MACROD2: variants seen among roughly 807,000 people sequenced by gnomAD.
The protein encoded by MACROD2 is ADP-ribose glycohydrolase MACROD2.
In MACROD2, 36 loss-of-function variants were observed where a neutral mutation model predicts 70.4. The observed-to-expected ratio is 0.51, with a 90% confidence interval of 0.39 to 0.68. MACROD2 has a LOEUF of 0.68. Among genes scored for constraint, MACROD2 ranks in the 30% least tolerant of loss-of-function variants. The pLI, the probability that MACROD2 is intolerant of heterozygous loss-of-function variation, is 0.00. For synonymous variants in MACROD2, 172 were observed against 178.8 expected (o/e 0.96, Z 0.30); for missense variants, 496 against 538.4 (o/e 0.92, Z 0.78).
chr20:15,827,072 T>C (rs1486483474), intron 8 of MACROD2, among the ~76,000 whole-genome samples: 1 of 152,180 alleles, frequency 6.6e-6, no homozygotes, highest in Non-Finnish European at 1.5e-5. Flanking sequence ...TGAAAGCCAT[T>C]TTCTTCCTTA....
At chr20:14,523,123 A>T (rs1455311377) in intron 4 of MACROD2, among the ~76,000 whole-genome samples, 1 of 152,140 alleles carries the variant, frequency 6.6e-6, no homozygotes, top group East Asian at 1.9e-4. Context: ...TCTTCCATTA[A>T]AAAAAGACGC....
chr20:15,435,043 G>A (rs1009418540), intron 7 of MACROD2, among the ~76,000 whole-genome samples: 1 of 152,090 alleles, frequency 6.6e-6, no homozygotes, highest in African/African-American at 2.4e-5. Flanking sequence ...AGGGGTTTGA[G>A]GGATGTAAAA....
At chr20:14,923,730 C>T (rs2074192027) in intron 5 of MACROD2, among the ~76,000 whole-genome samples, 1 of 148,618 alleles carries the variant, frequency 6.7e-6, no homozygotes, top group African/African-American at 2.5e-5. Flanking sequence ...GCACGGGCCT[C>T]CAGGGCCACT....
intron 4 of MACROD2, among the ~76,000 whole-genome samples, chr20:14,580,142 T>A (rs1166532289): frequency 6.6e-6 from 1 of 152,146 alleles, no homozygotes; most frequent in Non-Finnish European, 1.5e-5. Flanking sequence ...TAAGTACAAA[T>A]AGTCTAGTTG....
intron 3 of MACROD2, among the ~76,000 whole-genome samples, chr20:14,192,443 G>A (rs1005913919): frequency 2.0e-5 from 3 of 152,122 alleles, no homozygotes; most frequent in African/African-American, 7.2e-5. Context: ...GGAGACACAC[G>A]GGAGGTGTAT....
At chr20:13,998,401 G>C (rs776739696) in intron 1 of MACROD2, among the ~76,000 whole-genome samples, 4 of 152,072 alleles carry the variant, frequency 2.6e-5, no homozygotes, top group Non-Finnish European at 5.9e-5. Flanking sequence ...TGGAACAACA[G>C]AGGCCAGGTT....
At chr20:15,360,034 AAT>A (rs1328762834) in intron 6 of MACROD2, among the ~76,000 whole-genome samples, 3 of 152,146 alleles carry the variant, frequency 2.0e-5, no homozygotes, top group African/African-American at 7.2e-5. Flanking sequence ...AACACCTGAC[AAT>A]CACAAATCTA....
intron 5 of MACROD2, among the ~76,000 whole-genome samples, chr20:14,910,284 G>A (rs2074011084): frequency 6.6e-6 from 1 of 152,192 alleles, no homozygotes. Flanking sequence ...AGCCCAGACT[G>A]TAGGGAGAAT....
intron 5 of MACROD2, among the ~76,000 whole-genome samples, chr20:14,851,127 G>A (rs1845788022): frequency 6.6e-6 from 1 of 152,108 alleles, no homozygotes; most frequent in Non-Finnish European, 1.5e-5. Flanking sequence ...AGTTGTCATT[G>A]AGGGAAAGAG....
intron 3 of MACROD2, among the ~76,000 whole-genome samples, chr20:14,332,134 T>C (rs2082853927): frequency 2.6e-5 from 4 of 152,132 alleles, no homozygotes; most frequent in African/African-American, 7.2e-5. Flanking sequence ...ACCACCTCAC[T>C]GATGAATCAA....
chr20:15,131,857 A>G (rs965163730), intron 5 of MACROD2, among the ~76,000 whole-genome samples: 42 of 152,184 alleles, frequency 2.8e-4, no homozygotes, highest in African/African-American at 9.6e-4. Context: ...TGCATTTGTT[A>G]TATCAATGAA....
intron 4 of MACROD2, among the ~76,000 whole-genome samples, chr20:14,609,331 G>A (rs889289397): frequency 6.6e-6 from 1 of 152,120 alleles, no homozygotes; most frequent in African/African-American, 2.4e-5. Context: ...TGAGGAAAGA[G>A]ATGAATCCAG....
rs576600183 is a variant in MACROD2, at chr20:14,567,189, A to G, written c.301+73681A>G. Among the ~76,000 whole-genome samples, 248 of 152,162 alleles carry G rather than the reference A, an allele frequency of 1.6e-3. 1 individual carries two copies. The highest frequency in any genetic ancestry group is 0.01 in the Middle Eastern group (3 of 294). Reference sequence around the variant, plus strand: ...AGAAAGCATTAGTACATAAATATATATATGTATAAATGATGTGCACTGCTA... The same window carrying G: ...AGAAAGCATTAGTACATAAATATATGTATGTATAAATGATGTGCACTGCTA... On this transcript the variant is annotated intron_variant, in intron 4 of 17. Coordinates refer to ENST00000684519, the MANE Select transcript of MACROD2 (RefSeq NM_001351661.2).
At chr20:15,717,455 G>A (rs1466714519) in intron 8 of MACROD2, among the ~76,000 whole-genome samples, 1 of 152,180 alleles carries the variant, frequency 6.6e-6, no homozygotes, top group Non-Finnish European at 1.5e-5. Context: ...CAAGATTTAT[G>A]GAGATAACAT....
chr20:14,961,642 C>T (rs552185321), intron 5 of MACROD2, among the ~76,000 whole-genome samples: 6 of 152,068 alleles, frequency 3.9e-5, no homozygotes, highest in Middle Eastern at 3.4e-3. Context: ...ATATCGCCCA[C>T]GGCCCCTCAA....
At chr20:15,250,628 G>A (rs7352088) in intron 6 of MACROD2, among the ~76,000 whole-genome samples, 212 of 152,218 alleles carry the variant, frequency 1.4e-3, no homozygotes, top group South Asian at 3.3e-3. Context: ...GATTTTCTGT[G>A]TATATGCCAC....
At chr20:15,180,139 AC>A (rs1199771255) in intron 5 of MACROD2, among the ~76,000 whole-genome samples, 2 of 151,706 alleles carry the variant, frequency 1.3e-5, no homozygotes, top group Non-Finnish European at 2.9e-5. Context: ...TTTTAACTTA[AC>A]CCCCTCTTTG....
At chr20:14,127,137 T>C (rs1167514579) in intron 3 of MACROD2, among the ~76,000 whole-genome samples, 1 of 152,220 alleles carries the variant, frequency 6.6e-6, no homozygotes, top group Non-Finnish European at 1.5e-5. Flanking sequence ...TTAAAAGTGC[T>C]ACTCCAGTGA....
chr20:15,723,904 C>T (rs1231669252), intron 8 of MACROD2, among the ~76,000 whole-genome samples: 1 of 152,208 alleles, frequency 6.6e-6, no homozygotes, highest in African/African-American at 2.4e-5. Flanking sequence ...GCATTCTCAC[C>T]AGCAATGAAT....
Sources: allele counts gnomAD v4.1 joint callset (sites outside exome capture counted in the v4.1 genomes callset), GRCh38; gene constraint gnomAD v4.1.1; transcripts MANE v1.5; gene names NCBI Gene and HGNC (gene_info 2026-07-23, HGNC 2026-07-21).